Variants in PFKFB3 observed in about 807,000 individuals in gnomAD.
PFKFB3 encodes 6-phosphofructo-2-kinase/fructose-2,6-biphosphatase 3, also known as 6-phosphofructo-2-kinase/fructose-2,6-bisphosphatase 3.
In PFKFB3, 33 loss-of-function variants were observed where a neutral mutation model predicts 68.0. The observed-to-expected ratio is 0.49, with a 90% CI of 0.37 to 0.65. The LOEUF is 0.65. Among genes scored for constraint, PFKFB3 ranks in the 30% least tolerant of loss-of-function variants. The probability of loss-of-function intolerance (pLI) is 0.00; values close to 1 mark genes in which losing one functional copy is unlikely to be tolerated. For missense variants in PFKFB3, 586 were observed against 712.2 expected, an observed-to-expected ratio of 0.82 and a Z score of 2.02; for synonymous variants, 315 against 288.2, an observed-to-expected ratio of 1.09 and a Z score of -0.94.
chr10:6,189,618 G>A lies in PFKFB3; in HGVS notation c.17-24005G>A, dbSNP rs1043622141. ...CAACCACCACCTCCCAGGTTCAAGC[G>A]ATTCTCCTGCCTCAGCCTCCCGAGT... On this transcript the variant is annotated intron_variant, in intron 1 of 14. Transcript: ENST00000379789. Among the ~76,000 whole-genome samples, 17 of 150,756 alleles carry A rather than the reference G, an allele frequency of 1.1e-4. No individual in the cohort carries two copies. The Admixed American group carries it at 1.1e-3, about 10-fold the overall frequency.
chr10:6,219,268 G>A (rs1192216030), intron 6 of PFKFB3, among the ~76,000 whole-genome samples: 1 of 152,202 alleles, frequency 6.6e-6, no homozygotes, highest in African/African-American at 2.4e-5. Context: ...GCGGTGACTC[G>A]GGCACGGGAC....
the PFKFB3 span, among the ~76,000 whole-genome samples, chr10:6,284,027 TCA>T: frequency 6.6e-6 from 1 of 152,208 alleles, no homozygotes; most frequent in African/African-American, 2.4e-5. Flanking sequence ...GTGAGTTGAC[TCA>T]CAATACATCT....
upstream of PFKFB3, among the ~76,000 whole-genome samples, chr10:6,201,984 CA>C (rs1392609250): frequency 5.3e-5 from 8 of 152,214 alleles, no homozygotes; most frequent in African/African-American, 1.7e-4. This position sits in a 1 kb window ranked among gnomAD's most constrained non-coding sequence, Gnocchi z 4.1. Context: ...GCAGGGTGTG[CA>C]GGATAACGGA....
the PFKFB3 span, chr10:6,293,211 A>T: frequency 1.9e-5 from 9 of 469,250 alleles, no homozygotes; most frequent in African/African-American, 1.6e-4. Context: ...CGAGTCCCAG[A>T]TGTTGACAGT....
Position 6,215,112 on chromosome 10 carries a change from C to T in PFKFB3, c.203-109C>T, listed in dbSNP as rs549212834. 2.4e-4 allele frequency: 195 copies of T among 820,588 alleles called. No individual in the cohort carries two copies. Among genetic ancestry groups the T allele is most frequent in the Non-Finnish European group, 3.7e-4 (183 of 488,838 alleles). 50.8% of individuals were successfully genotyped at this position (820,588 alleles called of 1,614,324 possible). On this transcript the variant is annotated intron_variant, in intron 2 of 14. Transcript: ENST00000379775. The surrounding 1 kb of genome is among the most constrained non-coding windows in gnomAD (Gnocchi z 4.3). ...TGCTTCCACACCATCTCATTCAAGT[C>T]GGTGTGGTTGGCCTGGTGGCTCTTC... is the stretch of plus-strand genomic sequence containing the variant.
intron 1 of PFKFB3, among the ~76,000 whole-genome samples, chr10:6,207,109 C>T (rs996063998): frequency 5.9e-5 from 9 of 152,170 alleles, no homozygotes; most frequent in Non-Finnish European, 1.2e-4. Context: ...GAAGTTGTAG[C>T]GAGCCGAGAT....
At chr10:6,297,035 C>T in the PFKFB3 span, among the ~76,000 whole-genome samples, 1 of 152,346 alleles carries the variant, frequency 6.6e-6, no homozygotes, top group African/African-American at 2.4e-5. Context: ...GTATGACCAA[C>T]CATGCTGTAG....
intron 14 of PFKFB3, among the ~76,000 whole-genome samples, chr10:6,231,917 C>G (rs538910831): frequency 1.3e-5 from 2 of 152,314 alleles, no homozygotes; most frequent in South Asian, 4.2e-4. Context: ...GGGCACCCAT[C>G]ACCTGGGTTC....
chr10:6,292,028 A>T, the PFKFB3 span, among the ~76,000 whole-genome samples: 1 of 134,500 alleles, frequency 7.4e-6, no homozygotes, highest in Non-Finnish European at 1.5e-5. Context: ...ATCTTGGCTC[A>T]CTGCAACCTC....
At chr10:6,175,080 C>G (rs1023660070) in intron 1 of PFKFB3, among the ~76,000 whole-genome samples, 1 of 152,182 alleles carries the variant, frequency 6.6e-6, no homozygotes, top group African/African-American at 2.4e-5. Context: ...TCCCACAGTG[C>G]TGGGGTTACA....
chr10:6,200,191 T>TC (rs1373317339), upstream of PFKFB3, among the ~76,000 whole-genome samples: 2 of 152,222 alleles, frequency 1.3e-5, no homozygotes, highest in Non-Finnish European at 2.9e-5. Context: ...TTTCCTTCTA[T>TC]CTTTCATAGT....
the PFKFB3 span, among the ~76,000 whole-genome samples, chr10:6,321,855 A>AT: frequency 6.6e-6 from 1 of 152,186 alleles, no homozygotes; most frequent in Non-Finnish European, 1.5e-5. Context: ...AGATGGCCTC[A>AT]TTACTGGCTG....
rs1485894082 is a variant in PFKFB3, at chr10:6,154,804, G to A, written c.16+9791G>A. 6.6e-6 allele frequency among the ~76,000 whole-genome samples: 1 copy of A among 152,226 alleles called. No individual in the cohort carries two copies. The highest frequency in any genetic ancestry group is 1.5e-5 in the Non-Finnish European group (1 of 68,038). ...TAGCTCCCCCAGCTGCCTTCTGTCTGATCTGGGGAGACGCTGGGAGCCAGG... is the reference window on the plus strand; with the variant it reads ...TAGCTCCCCCAGCTGCCTTCTGTCTAATCTGGGGAGACGCTGGGAGCCAGG... On this transcript the variant is annotated intron_variant, in intron 1 of 14. Transcript: ENST00000379789. This position sits in a 1 kb window ranked among gnomAD's most constrained non-coding sequence, Gnocchi z 4.6.
At chr10:6,309,228 C>T in the PFKFB3 span, among the ~76,000 whole-genome samples, 3 of 152,156 alleles carry the variant, frequency 2.0e-5, no homozygotes, top group South Asian at 4.1e-4. Context: ...TTTTTGATGA[C>T]GGTAAGGCAT....
chr10:6,240,603 T>C (rs573473572), intron 14 of PFKFB3, among the ~76,000 whole-genome samples: 52 of 152,208 alleles, frequency 3.4e-4, no homozygotes, highest in Middle Eastern at 3.4e-3. Context: ...GCAAAGACAG[T>C]ACAGAGAGTT....
At chr10:6,282,009 A>C in the PFKFB3 span, among the ~76,000 whole-genome samples, 113 of 149,984 alleles carry the variant, frequency 7.5e-4, no homozygotes, top group African/African-American at 2.7e-3. Context: ...CTCAGGCTGG[A>C]ATGCAGCGAC....
At chr10:6,246,041 C>T (rs1203357063) in intron 14 of PFKFB3, among the ~76,000 whole-genome samples, 1 of 152,164 alleles carries the variant, frequency 6.6e-6, no homozygotes, top group African/African-American at 2.4e-5. Context: ...ACCCTCTATG[C>T]AATCCCTTTA....
intron 1 of PFKFB3, chr10:6,163,871 C>T (rs950456363): frequency 6.6e-6 from 1 of 152,160 alleles, no homozygotes; most frequent in Non-Finnish European, 1.5e-5. Context: ...CGGCGACTGT[C>T]CGGCTCGTGA....
chr10:6,190,104 C>T (rs1842983498), intron 1 of PFKFB3, among the ~76,000 whole-genome samples: 1 of 151,746 alleles, frequency 6.6e-6, no homozygotes, highest in African/African-American at 2.4e-5. Flanking sequence ...TGACCACGCC[C>T]AGCTAATTTT....
Sources: allele counts gnomAD v4.1 joint callset (sites outside exome capture counted in the v4.1 genomes callset), GRCh38; gene constraint gnomAD v4.1.1; non-coding constraint Gnocchi (gnomAD v3.1); transcripts MANE v1.5; gene names NCBI Gene and HGNC (gene_info 2026-07-23, HGNC 2026-07-21).